C1orf185: variants seen among roughly 807,000 people sequenced by gnomAD.
The protein encoded by C1orf185 is chromosome 1 open reading frame 185.
C1orf185 carries 13 observed loss-of-function variants against 16.1 expected under a neutral mutation model. The observed-to-expected ratio is 0.81, with a 90% CI of 0.53 to 1.28. The LOEUF is 1.28. C1orf185 is among the 50% of genes most tolerant of loss of function. The pLI is 0.00. For missense variants in C1orf185, 220 were observed against 225.2 expected, an observed-to-expected ratio of 0.98 and a Z score of 0.15; for synonymous variants, 80 against 76.9, an observed-to-expected ratio of 1.04 and a Z score of -0.21.
chr1:51,103,700 A>C (rs925877897), intron 1 of C1orf185, among the ~76,000 whole-genome samples: 2 of 151,942 alleles, frequency 1.3e-5, no homozygotes, highest in Admixed American at 6.6e-5. Flanking sequence ...CGACTGGTTA[A>C]TCTTGTGTGT....
chr1:51,103,471 A>G (rs897504744), intron 1 of C1orf185, among the ~76,000 whole-genome samples: 5 of 149,136 alleles, frequency 3.4e-5, no homozygotes, highest in Admixed American at 3.3e-4. Context: ...ACAAATAAAA[A>G]CTTGTTGAGT....
At chr1:51,145,823 G>C in intron 4 of C1orf185, 63 bp downstream of exon 4, 1 of 834,860 alleles carries the variant, frequency 1.2e-6, no homozygotes. Flanking sequence ...CACATCTTGA[G>C]AAATCAAGAG....
At chr1:51,120,939 A>C (rs1428397626) in intron 3 of C1orf185, among the ~76,000 whole-genome samples, 1 of 152,226 alleles carries the variant, frequency 6.6e-6, no homozygotes, top group Non-Finnish European at 1.5e-5. Flanking sequence ...ATAATGCACA[A>C]GTAAACACAA....
At chr1:51,118,934 A>G in intron 3 of C1orf185, 133 bp downstream of exon 3, 1 of 663,774 alleles carries the variant, frequency 1.5e-6, no homozygotes, top group South Asian at 5.2e-5. Context: ...AACTAGTTAG[A>G]GTTTATACTA....
intron 1 of C1orf185, among the ~76,000 whole-genome samples, chr1:51,104,977 T>G (rs1238912306): frequency 6.6e-6 from 1 of 152,086 alleles, no homozygotes; most frequent in Non-Finnish European, 1.5e-5. Context: ...TCCATTTTTT[T>G]TTTTTGAGAT....
chr1:51,134,412 A>G (rs1646307540), intron 3 of C1orf185, among the ~76,000 whole-genome samples: 1 of 152,132 alleles, frequency 6.6e-6, no homozygotes, highest in Non-Finnish European at 1.5e-5. Context: ...TTAACAACCT[A>G]ACATCAAACT....
chr1:51,123,944 T>C (rs1346812604), intron 3 of C1orf185, among the ~76,000 whole-genome samples: 1 of 151,440 alleles, frequency 6.6e-6, no homozygotes, highest in Non-Finnish European at 1.5e-5. Flanking sequence ...CATGTATATA[T>C]ATACACACAC....
At chr1:51,111,568 C>T (rs1236142599) in intron 1 of C1orf185, among the ~76,000 whole-genome samples, 2 of 151,076 alleles carry the variant, frequency 1.3e-5, no homozygotes, top group African/African-American at 2.4e-5. Flanking sequence ...GTCTCAGGCT[C>T]GAGTGCAGTG....
intron 3 of C1orf185, among the ~76,000 whole-genome samples, chr1:51,145,307 A>AAAT (rs111332471): frequency 0.012 from 1,795 of 150,592 alleles, 27 homozygotes; most frequent in African/African-American, 0.032. Context: ...CCTGTCTCTA[A>AAAT]AATAATAATA....
intron 2 of C1orf185, among the ~76,000 whole-genome samples, chr1:51,115,265 A>G (rs1378132411): frequency 6.6e-6 from 1 of 152,040 alleles, no homozygotes; most frequent in Non-Finnish European, 1.5e-5. Context: ...TTGAACCCAG[A>G]TGGCAGAGGT....
chr1:51,117,934 G>T (rs984823576), intron 2 of C1orf185, among the ~76,000 whole-genome samples: 3 of 151,908 alleles, frequency 2.0e-5, no homozygotes, highest in Non-Finnish European at 2.9e-5. Flanking sequence ...TTATTTTTGA[G>T]GCAGGGTCTC....
chr1:51,123,854 T>C (rs1185651941), intron 3 of C1orf185, among the ~76,000 whole-genome samples: 1 of 152,098 alleles, frequency 6.6e-6, no homozygotes, highest in East Asian at 1.9e-4. Flanking sequence ...GGTTATTGAT[T>C]TTCTTATTGC....
chr1:51,146,061 T>C (rs189667290), intron 4 of C1orf185, among the ~76,000 whole-genome samples: 2 of 152,344 alleles, frequency 1.3e-5, no homozygotes, highest in African/African-American at 4.8e-5. Context: ...GCATATTACA[T>C]CTTAGTACCT....
chr1:51,147,319 T>G, intron 4 of C1orf185, 148 bp from the exon 5 acceptor site: 1 of 604,572 alleles, frequency 1.7e-6, no homozygotes, highest in Non-Finnish European at 2.6e-6. Context: ...CATGAAAATA[T>G]TGCTAATTCC....
intron 1 of C1orf185, 85 bp from the exon 2 acceptor site, chr1:51,112,378 CT>C: frequency 1.9e-6 from 2 of 1,060,680 alleles, no homozygotes; most frequent in Non-Finnish European, 2.7e-6. Context: ...CTACAACATG[CT>C]ATATCATTTG....
chr1:51,104,869 A>G (rs550457028), intron 1 of C1orf185, among the ~76,000 whole-genome samples: 1 of 152,158 alleles, frequency 6.6e-6, no homozygotes, highest in African/African-American at 2.4e-5. Context: ...GGTTATTCTC[A>G]TAGCACTCAG....
At chr1:51,123,211 A>C (rs1215974284) in intron 3 of C1orf185, among the ~76,000 whole-genome samples, 1 of 152,150 alleles carries the variant, frequency 6.6e-6, no homozygotes, top group Non-Finnish European at 1.5e-5. Flanking sequence ...TAATCCATTA[A>C]GCCATTAATG....
chr1:51,136,517 C>A (rs1195118986), intron 3 of C1orf185, among the ~76,000 whole-genome samples: 1 of 151,930 alleles, frequency 6.6e-6, no homozygotes, highest in African/African-American at 2.4e-5. Flanking sequence ...GTTACAGTAG[C>A]CAAAACAGCT....
chr1:51,151,323 AT>A (rs1646428531), downstream of C1orf185, among the ~76,000 whole-genome samples: 1 of 152,192 alleles, frequency 6.6e-6, no homozygotes, highest in African/African-American at 2.4e-5. Flanking sequence ...GGGGTAAGAG[AT>A]TTATTATTGG....
Sources: gnomAD v4.1 joint callset for allele counts (sites outside exome capture counted in the v4.1 genomes callset) on GRCh38, gnomAD v4.1.1 for gene constraint, MANE v1.5 for transcripts, NCBI Gene and HGNC (gene_info 2026-07-23, HGNC 2026-07-21) for gene names.